Variants in C4orf36 observed in about 807,000 individuals in gnomAD.
The protein encoded by C4orf36 is uncharacterized protein C4orf36.
In C4orf36, 11 loss-of-function variants were observed where a neutral mutation model predicts 12.2. That is an observed-to-expected ratio of 0.90 (90% confidence interval 0.57 to 1.49). C4orf36 has a LOEUF of 1.49. C4orf36 is among the 40% of genes most tolerant of loss of function. The pLI is 0.00. For missense variants in C4orf36, 137 were observed against 133.9 expected (o/e 1.02, Z -0.11); for synonymous variants, 54 against 51.3 (o/e 1.05, Z -0.22).
At chr4:86,909,176 G>A in the C4orf36 span, among the ~76,000 whole-genome samples, 1 of 152,124 alleles carries the variant, frequency 6.6e-6, no homozygotes, top group African/African-American at 2.4e-5. Context: ...TTCAGGGAAG[G>A]GGATTCTGGG....
At chr4:86,902,418 CAAAAAAAAAA>C in the C4orf36 span, among the ~76,000 whole-genome samples, 32 of 58,962 alleles carry the variant, frequency 5.4e-4, no homozygotes, top group African/African-American at 1.9e-3. Context: ...ATGAGACTCT[CAAAAAAAAAA>C]AAAAAAAAAA....
intron 2 of C4orf36, among the ~76,000 whole-genome samples, chr4:86,890,480 A>AAATAATAAT (rs56235500): frequency 2.7e-5 from 4 of 147,318 alleles, no homozygotes; most frequent in East Asian, 2.0e-4. Context: ...AATGCAAATA[A>AAATAATAAT]AATAATAATA....
the C4orf36 span, among the ~76,000 whole-genome samples, chr4:86,903,355 A>G: frequency 6.6e-6 from 1 of 152,208 alleles, no homozygotes; most frequent in African/African-American, 2.4e-5. Context: ...ACTAAAAAAT[A>G]TAAAAATTAG....
chr4:86,902,518 C>T, the C4orf36 span, among the ~76,000 whole-genome samples: 3 of 151,878 alleles, frequency 2.0e-5, no homozygotes, highest in East Asian at 5.8e-4. Flanking sequence ...ACTGCTGACA[C>T]CTTGATTTCA....
the C4orf36 span, chr4:86,913,362 C>T: frequency 1.2e-6 from 1 of 825,802 alleles, no homozygotes; most frequent in Non-Finnish European, 2.1e-6. Flanking sequence ...GCTTGCCCAC[C>T]TCATAAATAG....
the C4orf36 span, among the ~76,000 whole-genome samples, chr4:86,899,115 G>A: frequency 2.0e-5 from 3 of 152,162 alleles, no homozygotes; most frequent in Non-Finnish European, 2.9e-5. Flanking sequence ...AACTTCTCTC[G>A]CTGAAGCACT....
At chr4:86,917,873 GA>G in the C4orf36 span, among the ~76,000 whole-genome samples, 1 of 22,224 alleles carries the variant, frequency 4.5e-5, no homozygotes, top group Non-Finnish European at 1.7e-4. Context: ...CAGTTGAAAT[GA>G]TAAGTATTTG....
the C4orf36 span, chr4:86,913,356 G>T: frequency 1.2e-6 from 1 of 825,718 alleles, no homozygotes; most frequent in Non-Finnish European, 2.1e-6. Flanking sequence ...AATCTTGCTT[G>T]CCCACCTCAT....
chr4:86,892,052 G>A, intron 1 of C4orf36, 131 bp downstream of exon 1: 1 of 986,404 alleles, frequency 1.0e-6, no homozygotes, highest in Non-Finnish European at 1.2e-6. Flanking sequence ...GATTCGGGGC[G>A]AGTCCCCTAC....
At chr4:86,901,407 T>A in the C4orf36 span, among the ~76,000 whole-genome samples, 24 of 152,044 alleles carry the variant, frequency 1.6e-4, no homozygotes, top group African/African-American at 5.5e-4. Flanking sequence ...TATTTTTATT[T>A]ATTTATTTTT....
Position 86,892,181 on chromosome 4 carries a change from A to G in C4orf36, c.-74+2T>C, listed in dbSNP as rs993662366. On this transcript the variant is annotated splice_donor_variant, in intron 1 of 4. Transcript: ENST00000295898. LOFTEE classifies it low-confidence loss of function (5UTR_SPLICE). Reference sequence around the variant, plus strand: ...GGCCTCAGCCTCGGCTCCTTCCCACACCTGGGCCCCACCCTGCCTCCGACT... The same window carrying G: ...GGCCTCAGCCTCGGCTCCTTCCCACGCCTGGGCCCCACCCTGCCTCCGACT... 1.0e-6 allele frequency: 1 copy of G among 985,248 alleles called. No individual in the cohort carries two copies. The highest frequency in any genetic ancestry group is 1.2e-6 in the Non-Finnish European group (1 of 829,912). 61.0% of individuals were successfully genotyped at this position (985,248 alleles called of 1,614,324 possible).
In C4orf36 at chr4:86,876,293, G is replaced by A. The variant is rs1199676193; in HGVS notation, c.*153C>T. ...ATTAAGAGATTTTCTCGGTCTCTGG[G>A]CGGGCCGTGGGAGGCTTCCTGAGGT... On this transcript the variant is annotated 3_prime_UTR_variant, in exon 5 of 5. Coordinates refer to ENST00000295898, the MANE Select transcript of C4orf36 (RefSeq NM_144645.4). The A allele has an allele frequency of 7.0e-6, 8 of 1,145,768 alleles. No individual in the cohort carries two copies. The Admixed American group carries it at 8.9e-5, about 13-fold the overall frequency. 71.0% of individuals were successfully genotyped at this position (1,145,768 alleles called of 1,614,324 possible).
At chr4:86,904,685 G>A in the C4orf36 span, among the ~76,000 whole-genome samples, 9 of 151,704 alleles carry the variant, frequency 5.9e-5, no homozygotes, top group African/African-American at 1.9e-4. Context: ...ATTGAGCCCC[G>A]GAGTTCAAGG....
chr4:86,913,476 T>C, the C4orf36 span: 36 of 771,782 alleles, frequency 4.7e-5, no homozygotes, highest in Non-Finnish European at 8.2e-5. Flanking sequence ...GACAGACATG[T>C]TGCGTTGGAT....
the C4orf36 span, chr4:86,933,393 A>C: frequency 3.3e-5 from 5 of 152,184 alleles, no homozygotes; most frequent in Admixed American, 2.0e-4. Context: ...GGAATGACTT[A>C]CTCTCTGAAC....
intron 4 of C4orf36, chr4:86,876,651 T>A: frequency 1.2e-6 from 2 of 1,613,242 alleles, no homozygotes; most frequent in Non-Finnish European, 1.7e-6. Context: ...ATGGTCATGG[T>A]ATTTACATAC....
chr4:86,925,754 A>G, the C4orf36 span: 1 of 151,672 alleles, frequency 6.6e-6, no homozygotes, highest in African/African-American at 2.4e-5. Context: ...ATTCTAATGT[A>G]TCTAGTGTGG....
the C4orf36 span, chr4:86,913,409 A>T: frequency 1.3e-6 from 1 of 750,088 alleles, no homozygotes; most frequent in South Asian, 1.4e-5. Flanking sequence ...AGCATCTCCA[A>T]CACCGTGTTG....
At chr4:86,899,307 T>G in the C4orf36 span, among the ~76,000 whole-genome samples, 2 of 152,144 alleles carry the variant, frequency 1.3e-5, no homozygotes, top group East Asian at 3.9e-4. Context: ...AATTATATAT[T>G]GCACATTTGA....
Sources: gnomAD v4.1 joint callset for allele counts (sites outside exome capture counted in the v4.1 genomes callset) on GRCh38, gnomAD v4.1.1 for gene constraint, MANE v1.5 for transcripts, NCBI Gene and HGNC (gene_info 2026-07-23, HGNC 2026-07-21) for gene names.